Variants in BTBD9 observed in about 807,000 individuals in gnomAD.
BTBD9 encodes BTB domain containing 9.
Under a neutral mutation model 64.3 loss-of-function variants are expected in BTBD9, and 49 were observed. The ratio of observed to expected loss-of-function variants is 0.76; its 90% CI spans 0.61 to 0.97. The LOEUF (loss-of-function observed/expected upper bound fraction) is 0.97, where lower values mean the gene tolerates loss of function less well. Ranked by LOEUF, BTBD9 falls within the 50% of genes least tolerant of loss-of-function variation. BTBD9 has a pLI of 0.00. For missense variants in BTBD9, 598 were observed against 762.1 expected, an observed-to-expected ratio of 0.78 and a Z score of 2.53; for synonymous variants, 260 against 274.7, an observed-to-expected ratio of 0.95 and a Z score of 0.53.
intron 1 of BTBD9, among the ~76,000 whole-genome samples, chr6:38,614,300 C>T (rs1364469615): frequency 6.6e-6 from 1 of 152,140 alleles, no homozygotes; most frequent in African/African-American, 2.4e-5. Context: ...GATTTTGTTA[C>T]GGACCTGTCT....
chr6:38,415,559 A>G (rs1767630750), intron 6 of BTBD9, among the ~76,000 whole-genome samples: 1 of 152,210 alleles, frequency 6.6e-6, no homozygotes, highest in Non-Finnish European at 1.5e-5. Context: ...TTAAGCCACG[A>G]AGTCTGTGGT....
chr6:38,509,580 G>A (rs1342705301), intron 6 of BTBD9, among the ~76,000 whole-genome samples: 4 of 152,060 alleles, frequency 2.6e-5, no homozygotes, highest in Admixed American at 2.0e-4. Context: ...GGTTAAAATG[G>A]TTCTGAACCT....
At chr6:38,399,757 T>G (rs12214470) in intron 6 of BTBD9, among the ~76,000 whole-genome samples, 40,346 of 151,922 alleles carry the variant, frequency 0.27, 6,431 homozygotes, top group Non-Finnish European at 0.38. Context: ...TTGTGGTTTT[T>G]ATTTTTTTCT....
chr6:38,316,564 G>GAC (rs1260614405), intron 7 of BTBD9, among the ~76,000 whole-genome samples: 1 of 152,046 alleles, frequency 6.6e-6, no homozygotes, highest in African/African-American at 2.4e-5. Context: ...GAAAAAAGAA[G>GAC]ACTAATAAAA....
intron 8 of BTBD9, among the ~76,000 whole-genome samples, chr6:38,274,475 C>T (rs1262306574): frequency 6.6e-6 from 1 of 152,052 alleles, no homozygotes; most frequent in Non-Finnish European, 1.5e-5. Context: ...AAAGGGAATG[C>T]TTCCAGTTTT....
chr6:38,273,674 C>A (rs1582147233), intron 8 of BTBD9, among the ~76,000 whole-genome samples: 1 of 152,262 alleles, frequency 6.6e-6, no homozygotes, highest in South Asian at 2.1e-4. Flanking sequence ...CATTGCCCCC[C>A]ATTGCCTAGC....
chr6:38,422,516 G>A (rs935754908), intron 6 of BTBD9, among the ~76,000 whole-genome samples: 2 of 152,006 alleles, frequency 1.3e-5, no homozygotes, highest in African/African-American at 4.8e-5. Flanking sequence ...GAGAGTAAGG[G>A]GCACTGGATA....
At chr6:38,495,907 A>G (rs1042883324) in intron 6 of BTBD9, among the ~76,000 whole-genome samples, 3 of 152,214 alleles carry the variant, frequency 2.0e-5, no homozygotes, top group Non-Finnish European at 2.9e-5. Flanking sequence ...TTCATGTTTA[A>G]GTATTAAGAG....
chr6:38,468,785 C>A (rs1049913148), intron 6 of BTBD9, among the ~76,000 whole-genome samples: 2 of 152,110 alleles, frequency 1.3e-5, no homozygotes, highest in Non-Finnish European at 2.9e-5. Context: ...AATATCACAA[C>A]CTTAGAATAT....
intron 6 of BTBD9, among the ~76,000 whole-genome samples, chr6:38,535,105 C>T (rs1773965477): frequency 6.6e-6 from 1 of 152,034 alleles, no homozygotes; most frequent in African/African-American, 2.4e-5. Context: ...TATGATCTTA[C>T]ATTTGGAAAA....
intron 6 of BTBD9, among the ~76,000 whole-genome samples, chr6:38,472,597 A>G (rs1359549581): frequency 1.3e-5 from 2 of 152,216 alleles, no homozygotes; most frequent in Non-Finnish European, 2.9e-5. Context: ...ACATGTTGAA[A>G]ACAAGTAAAA....
At chr6:38,185,321 C>G (rs1382457637) in intron 10 of BTBD9, among the ~76,000 whole-genome samples, 3 of 152,168 alleles carry the variant, frequency 2.0e-5, no homozygotes, top group Non-Finnish European at 4.4e-5. Context: ...AAGGAAGGGT[C>G]CTGCCTCAGT....
chr6:38,305,341 C>T (rs1762586809), intron 7 of BTBD9, among the ~76,000 whole-genome samples: 1 of 152,196 alleles, frequency 6.6e-6, no homozygotes, highest in Non-Finnish European at 1.5e-5. Context: ...CCCTAAAAGT[C>T]TGCCCCACAT....
intron 1 of BTBD9, among the ~76,000 whole-genome samples, chr6:38,633,018 G>A (rs913878775): frequency 2.0e-5 from 3 of 152,026 alleles, no homozygotes; most frequent in African/African-American, 7.2e-5. Flanking sequence ...AAATAACTGG[G>A]GTCAAATACA....
intron 6 of BTBD9, among the ~76,000 whole-genome samples, chr6:38,467,148 A>G (rs1367471964): frequency 6.6e-6 from 1 of 152,180 alleles, no homozygotes; most frequent in Non-Finnish European, 1.5e-5. Flanking sequence ...AACAAACAAA[A>G]AAGAATTACA....
chr6:38,235,904 CT>C (rs1310651617), intron 9 of BTBD9, among the ~76,000 whole-genome samples: 1 of 152,044 alleles, frequency 6.6e-6, no homozygotes. Context: ...ACCAATGTTA[CT>C]GAAGTACAGT....
intron 7 of BTBD9, among the ~76,000 whole-genome samples, chr6:38,330,365 T>G (rs1311734806): frequency 6.6e-6 from 1 of 152,146 alleles, no homozygotes; most frequent in Non-Finnish European, 1.5e-5. Flanking sequence ...TATTTTCATT[T>G]AAACTACCTT....
intron 6 of BTBD9, among the ~76,000 whole-genome samples, chr6:38,517,449 C>T (rs1381277383): frequency 1.3e-5 from 2 of 152,136 alleles, no homozygotes; most frequent in Non-Finnish European, 2.9e-5. Flanking sequence ...CGCTGCCTGG[C>T]CACCTTCCCC....
At chr6:38,279,519 T>G (rs74709235) in intron 8 of BTBD9, among the ~76,000 whole-genome samples, 8,189 of 152,172 alleles carry the variant, frequency 0.054, 244 homozygotes, top group African/African-American at 0.057. Flanking sequence ...AAAGCTATAT[T>G]AAAGCAATTT....
Sources: allele counts gnomAD v4.1 joint callset (sites outside exome capture counted in the v4.1 genomes callset), GRCh38; gene constraint gnomAD v4.1.1; transcripts MANE v1.5; gene names NCBI Gene and HGNC (gene_info 2026-07-23, HGNC 2026-07-21).